ILDR1: variants seen among roughly 807,000 people sequenced by gnomAD.
ILDR1 encodes the protein immunoglobulin like domain containing receptor 1, also known as immunoglobulin-like domain-containing receptor 1.
In ILDR1, 56 loss-of-function variants were observed where a neutral mutation model predicts 62.4. The ratio of observed to expected loss-of-function variants is 0.90; its 90% CI spans 0.72 to 1.12. The LOEUF (loss-of-function observed/expected upper bound fraction) is 1.12, where lower values mean the gene tolerates loss of function less well. ILDR1 is among the 50% of genes most tolerant of loss of function. The probability of loss-of-function intolerance (pLI) is 0.00; values close to 1 mark genes in which losing one functional copy is unlikely to be tolerated. For missense variants in ILDR1, 736 were observed against 710.6 expected, an observed-to-expected ratio of 1.04 and a Z score of -0.41; for synonymous variants, 284 against 277.8, an observed-to-expected ratio of 1.02 and a Z score of -0.22.
rs2071403606 is a variant in ILDR1 at position 121,994,200 on chromosome 3, G to T, written c.760C>A (p.His254Asn). 1 of 1,536,122 alleles carries T rather than the reference G, an allele frequency of 6.5e-7. No homozygotes were observed. The highest frequency in any genetic ancestry group is 8.7e-7 in the Non-Finnish European group (1 of 1,146,898). Residue 254 changes from histidine to asparagine, a missense_variant, in exon 6 of 8, where the codon CAC becomes AAC. By Grantham distance (68) the His-to-Asn change is moderately conservative (BLOSUM62 1). Coordinates refer to ENST00000344209, the MANE Select transcript of ILDR1 (RefSeq NM_001199799.2). ...AGTTTACCTCGCTGCAGCAGCGGGT[G>T]CATTGGATAAGATGAAACCTGGGAG... is the stretch of plus-strand genomic sequence containing the variant. ...RSSQVSSYPM[H>N]PLLQRDLSLP...
intron 5 of ILDR1, 148 bp from the exon 6 acceptor site, chr3:121,994,461 G>T: frequency 1.1e-6 from 1 of 881,596 alleles, no homozygotes; most frequent in Non-Finnish European, 1.6e-6. Flanking sequence ...GGTTAAGGGG[G>T]TAGTAAATTA....
At chr3:122,052,811 C>T in the ILDR1 span, among the ~76,000 whole-genome samples, 14 of 152,308 alleles carry the variant, frequency 9.2e-5, no homozygotes, top group African/African-American at 3.1e-4. Context: ...TCAAGTGATC[C>T]GCCTGCCTTG....
the ILDR1 span, among the ~76,000 whole-genome samples, chr3:122,049,696 A>T: frequency 3.3e-5 from 5 of 152,208 alleles, no homozygotes; most frequent in Admixed American, 3.3e-4. Context: ...CCAAAAATTC[A>T]TGGGTTGAAA....
chr3:122,035,631 T>C, the ILDR1 span, among the ~76,000 whole-genome samples: 851 of 152,258 alleles, frequency 5.6e-3, 8 homozygotes, highest in African/African-American at 0.02. Flanking sequence ...CCCTCTTCCC[T>C]CTCTTTCCTG....
chr3:122,030,189 T>C, the ILDR1 span, among the ~76,000 whole-genome samples: 1 of 152,078 alleles, frequency 6.6e-6, no homozygotes. Context: ...CTTTCAACAT[T>C]TTATTATAAG....
At chr3:122,040,617 C>G in the ILDR1 span, among the ~76,000 whole-genome samples, 2 of 151,130 alleles carry the variant, frequency 1.3e-5, no homozygotes, top group African/African-American at 4.9e-5. Flanking sequence ...CAGAAATAGA[C>G]CTACAAAAAT....
Position 121,993,224 on chromosome 3 carries a change from G to T in ILDR1, c.1525C>A (p.Pro509Thr). The T allele has an allele frequency of 1.2e-6, 2 of 1,614,008 alleles. No homozygotes were observed. The highest frequency in any genetic ancestry group is 1.7e-6 in the Non-Finnish European group (2 of 1,179,970). ...ATATCAAGTGAGCGGTAGCTAGGCG[G>T]CTTCTCCTCGGGCCAGTGTGGGGAG... The part of the protein sequence containing the change: ...SHSPHWPEEK[P>T]PSYRSLDITP... Residue 509 changes from proline to threonine, a missense_variant, in exon 7 of 8, where the codon CCG becomes ACG. Physicochemically the swap from Pro to Thr is conservative, Grantham distance 38. Coordinates refer to ENST00000344209, the MANE Select transcript of ILDR1 (RefSeq NM_001199799.2).
At chr3:122,032,253 T>C in the ILDR1 span, among the ~76,000 whole-genome samples, 2 of 152,234 alleles carry the variant, frequency 1.3e-5, no homozygotes, top group Non-Finnish European at 2.9e-5. Context: ...TTTATCTCTT[T>C]TGCTTAATAT....
At chr3:122,000,915 G>T (rs545220951) in intron 5 of ILDR1, among the ~76,000 whole-genome samples, 1 of 152,324 alleles carries the variant, frequency 6.6e-6, no homozygotes, top group South Asian at 2.1e-4. Context: ...GGAAAAAACA[G>T]TTTTGTTTTC....
chr3:122,011,858 T>C (rs1308707802), intron 1 of ILDR1, among the ~76,000 whole-genome samples: 1 of 152,034 alleles, frequency 6.6e-6, no homozygotes, highest in Admixed American at 6.6e-5. Context: ...GCCCTGCTCA[T>C]ATAGGTGGGC....
the ILDR1 span, among the ~76,000 whole-genome samples, chr3:122,043,514 C>T: frequency 7.4e-6 from 1 of 134,802 alleles, no homozygotes; most frequent in South Asian, 2.7e-4. Flanking sequence ...GGCAGTATAG[C>T]CATTTTCACG....
At chr3:122,051,741 C>A in the ILDR1 span, among the ~76,000 whole-genome samples, 1 of 152,084 alleles carries the variant, frequency 6.6e-6, no homozygotes, top group Non-Finnish European at 1.5e-5. Context: ...ACAACAACAA[C>A]AACAAACCAG....
At chr3:121,992,428 A>G (rs1426241642) in intron 7 of ILDR1, among the ~76,000 whole-genome samples, 1 of 152,116 alleles carries the variant, frequency 6.6e-6, no homozygotes, top group Admixed American at 6.5e-5. Context: ...ATGAACCACC[A>G]CACCCAGCCC....
chr3:122,019,356 G>A (rs111793536), intron 1 of ILDR1, among the ~76,000 whole-genome samples: 10,860 of 151,972 alleles, frequency 0.071, 447 homozygotes, highest in African/African-American at 0.1. Flanking sequence ...TAAAATTTTT[G>A]TGATCATTTT....
Position 122,005,254 on chromosome 3 carries a change from G to C in ILDR1, c.369C>G (p.Thr123=), listed in dbSNP as rs745347313. The stretch of plus-strand genomic sequence containing the variant: ...CTCCCCCGCACTCACGGTTCTGGAT[G>C]GTGATCTTGCGCTGCCGGTAATCTA... ...LGVDYRQRKI[T]IQNRADLVIN... The change falls in exon 3 of 8, where the codon ACC becomes ACG. Residue 123 remains threonine, a synonymous_variant. Coordinates refer to ENST00000344209, the MANE Select transcript of ILDR1 (RefSeq NM_001199799.2). 4 of 1,540,286 alleles carry C rather than the reference G, an allele frequency of 2.6e-6. No homozygotes were observed. In the African/African-American group the frequency reaches 5.5e-5, roughly 21 times the overall value.
the ILDR1 span, among the ~76,000 whole-genome samples, chr3:122,048,425 A>C: frequency 6.6e-6 from 1 of 152,172 alleles, no homozygotes; most frequent in Non-Finnish European, 1.5e-5. Context: ...CTGTCAGGTT[A>C]ACACTGGCCT....
chr3:122,016,929 A>T (rs2071784467), intron 1 of ILDR1, among the ~76,000 whole-genome samples: 1 of 152,248 alleles, frequency 6.6e-6, no homozygotes. Flanking sequence ...TTACCTGGTT[A>T]TGAGAAATAA....
the ILDR1 span, among the ~76,000 whole-genome samples, chr3:122,047,178 G>A: frequency 3.1e-4 from 46 of 150,244 alleles, no homozygotes; most frequent in African/African-American, 1.0e-3. Flanking sequence ...ATACCCTGCC[G>A]TGTGAGGTGT....
At chr3:121,990,813 A>G (rs1576711833) in intron 7 of ILDR1, among the ~76,000 whole-genome samples, 1 of 152,208 alleles carries the variant, frequency 6.6e-6, no homozygotes, top group Non-Finnish European at 1.5e-5. Context: ...ATCAAAGCGC[A>G]ATTCAAACCT....
Sources: gnomAD v4.1 joint callset for allele counts (sites outside exome capture counted in the v4.1 genomes callset) on GRCh38, gnomAD v4.1.1 for gene constraint, MANE v1.5 for transcripts, NCBI Gene and HGNC (gene_info 2026-07-23, HGNC 2026-07-21) for gene names.